CUBN: variants seen among roughly 807,000 people sequenced by gnomAD.
CUBN encodes cubilin.
In CUBN, 282 loss-of-function variants were observed where a neutral mutation model predicts 405.3. The ratio of observed to expected loss-of-function variants is 0.70; its 90% CI spans 0.63 to 0.77. The LOEUF is 0.77. CUBN is among the 30% of genes least tolerant of loss of function. The probability of loss-of-function intolerance (pLI) is 0.00; values close to 1 mark genes in which losing one functional copy is unlikely to be tolerated. For synonymous variants in CUBN, 1,684 were observed against 1,617.0 expected (o/e 1.04, Z -0.99); for missense variants, 4,514 against 4,475.2 (o/e 1.01, Z -0.25).
At chr10:16,986,317 A>C (rs1833421801) in intron 29 of CUBN, among the ~76,000 whole-genome samples, 1 of 108,066 alleles carries the variant, frequency 9.3e-6, no homozygotes, top group African/African-American at 3.6e-5. Flanking sequence ...ATTCCTCAGC[A>C]CCCCCGGCCC....
chr10:17,074,416 G>T (rs917862947), intron 17 of CUBN, among the ~76,000 whole-genome samples: 2 of 152,288 alleles, frequency 1.3e-5, no homozygotes, highest in Non-Finnish European at 2.9e-5. Context: ...AGCCTGAAAT[G>T]TGAGCGTCAC....
At chr10:16,977,835 G>C (rs1034354845) in intron 31 of CUBN, among the ~76,000 whole-genome samples, 2 of 152,178 alleles carry the variant, frequency 1.3e-5, no homozygotes, top group East Asian at 3.9e-4. Flanking sequence ...CTGCCCATAA[G>C]GGGTTTGAAC....
At chr10:16,903,733 A>G (rs1398308315) in intron 51 of CUBN, among the ~76,000 whole-genome samples, 1 of 148,652 alleles carries the variant, frequency 6.7e-6, no homozygotes, top group East Asian at 1.9e-4. Context: ...TATGCAGTTT[A>G]TTATTGAATA....
At chr10:17,075,255 T>A (rs1835833901) in intron 17 of CUBN, among the ~76,000 whole-genome samples, 1 of 151,904 alleles carries the variant, frequency 6.6e-6, no homozygotes, top group Non-Finnish European at 1.5e-5. Context: ...AGCTAATTTT[T>A]GTATTTTTAG....
rs1201852687 is a variant in CUBN, at chr10:17,047,601, A to G, written c.3142T>C (p.Cys1048Arg). ...AAATCATCTGTGTAGTCTTGCAAAC[A>G]TGCTGTGAACAGAAACAGACCATAA... ...NYEAISAATACLQDYTDDLGT... is the reference protein window; with the variant it reads ...NYEAISAATARLQDYTDDLGT... The change falls in exon 23 of 67, where the codon TGT becomes CGT. Residue 1048 changes from cysteine to arginine, a missense_variant and splice_region_variant. By Grantham distance (180) the Cys-to-Arg change is radical. This residue lies in a region of CUBN where 1,448 missense variants were observed against 1,388.0 expected (regional missense o/e 1.04). Transcript: ENST00000377833. 1.9e-6 allele frequency: 3 copies of G among 1,613,798 alleles called. No individual in the cohort carries two copies. Among genetic ancestry groups the G allele is most frequent in the Non-Finnish European group, 2.5e-6 (3 of 1,179,704 alleles).
At chr10:16,992,667 C>T (rs1833627599) in intron 28 of CUBN, among the ~76,000 whole-genome samples, 1 of 152,218 alleles carries the variant, frequency 6.6e-6, no homozygotes, top group South Asian at 2.1e-4. Context: ...AGAAATCTGA[C>T]TCTAGCTCAA....
intron 43 of CUBN, 32 bp downstream of exon 43, chr10:16,925,209 A>C (rs1842147915): frequency 6.4e-7 from 1 of 1,570,952 alleles, no homozygotes; most frequent in African/African-American, 1.3e-5. Flanking sequence ...ATTGCAGGAA[A>C]AGCAGATATA....
At chr10:16,958,703 A>C (rs1843138788) in intron 31 of CUBN, among the ~76,000 whole-genome samples, 1 of 152,186 alleles carries the variant, frequency 6.6e-6, no homozygotes, top group African/African-American at 2.4e-5. Flanking sequence ...TGTCTCATTC[A>C]ATGTAGGCTA....
At position 16,996,834 on chromosome 10, in the gene CUBN, GAGGATGGCAGAAA is replaced by G. The variant is rs1833747677; in HGVS notation, c.4169-6332_4169-6320del. Among the ~76,000 whole-genome samples the G allele has an allele frequency of 3.3e-5, 5 of 152,304 alleles. No individual in the cohort carries two copies. The South Asian group carries it at 1.0e-3, about 32-fold the overall frequency. Reference sequence around the variant, plus strand: ...GAAATACACATGGCTAAAGCCCAAAGAGGATGGCAGAAAAGGAAGAGAGAAGTGATTCATCACC... The same window carrying G: ...GAAATACACATGGCTAAAGCCCAAAGAGGAAGAGAGAAGTGATTCATCACC... On this transcript the variant is annotated intron_variant, in intron 28 of 66. Transcript: ENST00000377833.
intron 4 of CUBN, 144 bp downstream of exon 4, chr10:17,126,617 G>T (rs565569423): frequency 1.1e-6 from 1 of 870,954 alleles, no homozygotes; most frequent in South Asian, 1.4e-5. Flanking sequence ...GGAAGCACAT[G>T]CTGGGATGAG....
chr10:16,995,949 G>A (rs1833722121), intron 28 of CUBN, among the ~76,000 whole-genome samples: 1 of 152,152 alleles, frequency 6.6e-6, no homozygotes, highest in Admixed American at 6.5e-5. Context: ...CAAGAAAGCT[G>A]TGGAACATGC....
At chr10:17,124,933 G>C (rs1290301738) in intron 4 of CUBN, among the ~76,000 whole-genome samples, 1 of 151,962 alleles carries the variant, frequency 6.6e-6, no homozygotes, top group African/African-American at 2.4e-5. Context: ...TTGGGTTGAA[G>C]CGATTCTCAT....
At position 16,862,160 on chromosome 10, in the gene CUBN, T is replaced by TCTCTCACACACA. The variant is rs144560387; in HGVS notation, c.9454+7475_9454+7476insTGTGTGTGAGAG. 2.8e-3 allele frequency among the ~76,000 whole-genome samples: 367 copies of TCTCTCACACACA among 131,186 alleles called. 2 individuals carry two copies. The highest frequency in any genetic ancestry group is 0.011 in the African/African-American group (349 of 30,760). 86.1% of individuals were successfully genotyped at this position (131,186 alleles called of 152,430 possible). A position where few individuals can be genotyped will look rare whatever the true frequency, so the allele number is the denominator to read the frequency against. ...GAGACTCCGTCTCTCTCTCTCTCTC[T>TCTCTCACACACA]CACACACACACACACACACACACAC... On this transcript the variant is annotated intron_variant, in intron 59 of 66. Transcript: ENST00000377833.
intron 29 of CUBN, 104 bp downstream of exon 29, chr10:16,990,230 T>C: frequency 1.9e-6 from 2 of 1,064,824 alleles, no homozygotes; most frequent in Non-Finnish European, 2.9e-6. Context: ...TGTCTAAGAA[T>C]AGAACACTGC....
chr10:16,924,815 T>G (rs1319328749), intron 43 of CUBN, among the ~76,000 whole-genome samples: 1 of 152,096 alleles, frequency 6.6e-6, no homozygotes, highest in East Asian at 1.9e-4. Context: ...AATCAAAAAA[T>G]TATGTGTTCT....
At chr10:17,052,061 C>G (rs1386971034) in intron 22 of CUBN, among the ~76,000 whole-genome samples, 1 of 152,022 alleles carries the variant, frequency 6.6e-6, no homozygotes, top group East Asian at 1.9e-4. Context: ...GGGGGGAAGC[C>G]ACATCACATA....
intron 27 of CUBN, among the ~76,000 whole-genome samples, chr10:17,031,524 T>C (rs74120107): frequency 0.041 from 6,264 of 152,290 alleles, 304 homozygotes; most frequent in African/African-American, 0.11. Flanking sequence ...TGAAGTTACC[T>C]GCTTCACTCT....
At chr10:16,968,075 C>T (rs1843453436) in intron 31 of CUBN, among the ~76,000 whole-genome samples, 1 of 152,024 alleles carries the variant, frequency 6.6e-6, no homozygotes, top group South Asian at 2.1e-4. Flanking sequence ...GTTTGTAAAA[C>T]AGTAAATATT....
intron 28 of CUBN, among the ~76,000 whole-genome samples, chr10:17,013,188 T>C (rs1010474596): frequency 4.9e-4 from 74 of 152,208 alleles, no homozygotes; most frequent in African/African-American, 1.7e-3. Context: ...CTTTGACTCC[T>C]TTGTCTCTTC....
Sources: allele counts gnomAD v4.1 joint callset (sites outside exome capture counted in the v4.1 genomes callset), GRCh38; gene constraint gnomAD v4.1.1; regional missense constraint gnomAD v4.1.1; transcripts MANE v1.5; gene names NCBI Gene and HGNC (gene_info 2026-07-23, HGNC 2026-07-21).